STK24: variants seen among roughly 807,000 people sequenced by gnomAD.
STK24 encodes the protein serine/threonine kinase 24, also known as serine/threonine-protein kinase 24.
A neutral mutation model predicts 55.6 loss-of-function variants in STK24; 21 were observed. That is an observed-to-expected ratio of 0.38 (90% CI 0.27 to 0.54). The LOEUF is 0.54. Ranked by LOEUF, STK24 falls within the 20% of genes least tolerant of loss-of-function variation. The pLI, the probability that STK24 is intolerant of heterozygous loss-of-function variation, is 0.79. For missense variants in STK24, 383 were observed against 538.4 expected (o/e 0.71, Z 2.86); for synonymous variants, 200 against 215.2 (o/e 0.93, Z 0.62).
At chr13:98,468,534 G>C (rs1894004869) in intron 5 of STK24, among the ~76,000 whole-genome samples, 1 of 152,156 alleles carries the variant, frequency 6.6e-6, no homozygotes, top group Non-Finnish European at 1.5e-5. Flanking sequence ...GGAGGGGAGA[G>C]GCAAGAACAG....
chr13:98,537,880 T>C (rs1454100171), intron 1 of STK24, among the ~76,000 whole-genome samples: 1 of 151,820 alleles, frequency 6.6e-6, no homozygotes, highest in Non-Finnish European at 1.5e-5. Flanking sequence ...ATAACAAGAG[T>C]ACCCACAACA....
Position 98,494,850 on chromosome 13 carries a change from G to A in STK24, c.274-12529C>T, listed in dbSNP as rs540348119. 8.5e-5 allele frequency among the ~76,000 whole-genome samples: 13 copies of A among 152,256 alleles called. No homozygotes were observed. The East Asian group carries it at 2.3e-3, about 27-fold the overall frequency. ...AAGGGCACCCGCACTGAGGCACCCCGGGGCACAAACACCCAGCTAAAGGCC... is the reference window on the plus strand; with the variant it reads ...AAGGGCACCCGCACTGAGGCACCCCAGGGCACAAACACCCAGCTAAAGGCC... On this transcript the variant is annotated intron_variant, in intron 2 of 10. Transcript: ENST00000539966.
chr13:98,457,383 A>G, intron 9 of STK24, 79 bp from the exon 10 acceptor site: 1 of 1,594,830 alleles, frequency 6.3e-7, no homozygotes, highest in Non-Finnish European at 8.5e-7. Flanking sequence ...AAGGAACAAC[A>G]CGGCGTGTGG....
At chr13:98,558,741 A>G (rs1202677303) in intron 1 of STK24, among the ~76,000 whole-genome samples, 1 of 152,232 alleles carries the variant, frequency 6.6e-6, no homozygotes, top group Non-Finnish European at 1.5e-5. Context: ...CAACAAAGTT[A>G]CAAGTGAAAT....
chr13:98,512,062 A>C (rs1269534999), intron 2 of STK24, among the ~76,000 whole-genome samples: 2 of 151,860 alleles, frequency 1.3e-5, no homozygotes, highest in African/African-American at 2.4e-5. Context: ...TTATTTTTGT[A>C]TTTTTAGTAG....
At chr13:98,507,155 C>G (rs959878634) in intron 2 of STK24, among the ~76,000 whole-genome samples, 1 of 152,218 alleles carries the variant, frequency 6.6e-6, no homozygotes, top group Non-Finnish European at 1.5e-5. Context: ...AATGGCTGAA[C>G]TATTGAATAA....
At chr13:98,505,159 G>T (rs991654629) in intron 2 of STK24, 2 of 152,202 alleles carry the variant, frequency 1.3e-5, no homozygotes, top group African/African-American at 4.8e-5. Flanking sequence ...CTTTCAAAAG[G>T]AAAAGTGTCC....
chr13:98,515,824 G>C (rs994111638), intron 2 of STK24, among the ~76,000 whole-genome samples: 1 of 152,186 alleles, frequency 6.6e-6, no homozygotes, highest in Non-Finnish European at 1.5e-5. Flanking sequence ...GTCCTGGCCT[G>C]CTATATAAAA....
At chr13:98,576,291 C>T (rs544251131) in intron 1 of STK24, 98 of 916,452 alleles carry the variant, frequency 1.1e-4, no homozygotes, top group Non-Finnish European at 1.3e-4. Flanking sequence ...GGTCTCCCGC[C>T]CGCCTGCCCG....
intron 1 of STK24, among the ~76,000 whole-genome samples, chr13:98,524,863 A>C (rs945700472): frequency 6.6e-6 from 1 of 152,216 alleles, no homozygotes; most frequent in African/African-American, 2.4e-5. Context: ...AGACGTTTCC[A>C]GGCGTACGGC....
At position 98,452,240 on chromosome 13, in the gene STK24, T is replaced by G. The variant is rs1405487440; in HGVS notation, c.*933A>C. 6.6e-6 allele frequency: 1 copy of G among 152,162 alleles called. No homozygotes were observed. Among genetic ancestry groups the G allele is most frequent in the African/African-American group, 2.4e-5 (1 of 41,410 alleles). 9.4% of individuals were successfully genotyped at this position (152,162 alleles called of 1,614,324 possible). A position where few individuals can be genotyped will look rare whatever the true frequency, so the allele number is the denominator to read the frequency against. On this transcript the variant is annotated 3_prime_UTR_variant, in exon 11 of 11. Coordinates refer to ENST00000539966, the MANE Select transcript of STK24 (RefSeq NM_001032296.4). ...ATGATATGCAGAATCCACTACAAGG[T>G]GCAACAGAAAATCGTATTGGAAAGG...
Position 98,448,461 on chromosome 13 carries a change from G to C in STK24, c.*4712C>G. On this transcript the variant is annotated 3_prime_UTR_variant, in exon 11 of 11. Coordinates refer to ENST00000539966, the MANE Select transcript of STK24 (RefSeq NM_001032296.4). ...GCAGCTCTCCTGTCTCCACAGCCGC[G>C]TTTTTTAACCCCGACCTCTCAGCGT... The C allele has an allele frequency of 4.4e-6, 3 of 675,608 alleles. No individual in the cohort carries two copies. The South Asian group carries it at 5.5e-5, about 12-fold the overall frequency. The allele number at this position is 675,608 out of a possible 1,614,324, so 41.9% of individuals were successfully genotyped here.
At chr13:98,556,482 T>G (rs1897291377) in intron 1 of STK24, among the ~76,000 whole-genome samples, 1 of 152,158 alleles carries the variant, frequency 6.6e-6, no homozygotes, top group Non-Finnish European at 1.5e-5. Context: ...TCTTTTTGCT[T>G]AAACTAGTTG....
intron 1 of STK24, among the ~76,000 whole-genome samples, chr13:98,548,186 T>C (rs1897073772): frequency 6.6e-6 from 1 of 152,196 alleles, no homozygotes; most frequent in Non-Finnish European, 1.5e-5. Flanking sequence ...TGCATACATA[T>C]TATAGTTCCT....
At chr13:98,554,229 T>G (rs1897232054) in intron 1 of STK24, among the ~76,000 whole-genome samples, 1 of 151,702 alleles carries the variant, frequency 6.6e-6, no homozygotes, top group South Asian at 2.1e-4. Flanking sequence ...TGTGAAAAAA[T>G]AACAACAAAC....
chr13:98,446,900 G>A lies in STK24; in HGVS notation c.*6273C>T. ...ATCAGGATTTCTCCCAAGTCAGCGA[G>A]TGAGATGGCCCCACCCTTCCCTGCC... On this transcript the variant is annotated 3_prime_UTR_variant, in exon 11 of 11. Coordinates refer to ENST00000539966, the MANE Select transcript of STK24 (RefSeq NM_001032296.4). 2 of 1,461,838 alleles carry A rather than the reference G, an allele frequency of 1.4e-6. No homozygotes were observed. The highest frequency in any genetic ancestry group is 1.9e-6 in the Non-Finnish European group (2 of 1,055,900). 90.6% of individuals were successfully genotyped at this position (1,461,838 alleles called of 1,614,324 possible).
chr13:98,547,203 C>T lies in STK24; in HGVS notation c.43-27730G>A, dbSNP rs572887565. Among the ~76,000 whole-genome samples, 525 of 152,276 alleles carry T rather than the reference C, an allele frequency of 3.4e-3. 1 individual carries two copies. The highest frequency in any genetic ancestry group is 0.02 in the Middle Eastern group (6 of 294). On this transcript the variant is annotated intron_variant, in intron 1 of 10. Transcript: ENST00000539966. ...CTGGGATTACAGGCGTGAGCCACCG[C>T]GCCCAGCTATCTAATTGTTTTAAGG... is the stretch of plus-strand genomic sequence containing the variant.
chr13:98,477,208 A>G (rs1317856814), intron 3 of STK24, among the ~76,000 whole-genome samples: 1 of 152,224 alleles, frequency 6.6e-6, no homozygotes, highest in East Asian at 1.9e-4. Flanking sequence ...AGCTTTCTCC[A>G]CATCTATTTT....
intron 3 of STK24, among the ~76,000 whole-genome samples, chr13:98,481,500 G>A (rs143917069): frequency 1.3e-5 from 2 of 152,240 alleles, no homozygotes; most frequent in East Asian, 1.9e-4. Context: ...TCCCACATCC[G>A]ACATCCGACC....
Sources: gnomAD v4.1 joint callset for allele counts (sites outside exome capture counted in the v4.1 genomes callset) on GRCh38, gnomAD v4.1.1 for gene constraint, MANE v1.5 for transcripts, NCBI Gene and HGNC (gene_info 2026-07-23, HGNC 2026-07-21) for gene names.